The following FLCN variants were observed in gnomAD, a reference collection of about 807,000 sequenced individuals.
The protein encoded by FLCN is BHD skin lesion fibrofolliculoma protein.
In FLCN, 22 loss-of-function variants were observed where a neutral mutation model predicts 62.5. The observed-to-expected ratio is 0.35, with a 90% confidence interval of 0.25 to 0.50. FLCN has a LOEUF of 0.50. Ranked by LOEUF, FLCN falls within the 20% of genes least tolerant of loss-of-function variation. The pLI, the probability that FLCN is intolerant of heterozygous loss-of-function variation, is 0.97. For synonymous variants in FLCN, 319 were observed against 310.0 expected, an observed-to-expected ratio of 1.03 and a Z score of -0.30; for missense variants, 657 against 778.0, an observed-to-expected ratio of 0.84 and a Z score of 1.85.
intron 13 of FLCN, 38 bp downstream of exon 13, chr17:17,214,947 G>C (rs1280113163): frequency 2.5e-6 from 4 of 1,599,592 alleles, no homozygotes; most frequent in Non-Finnish European, 3.4e-6. Context: ...TTTCTCCAGG[G>C]TCGCAAGCAA....
Position 17,216,649 on chromosome 17 carries a change from C to T in FLCN, c.1177-146G>A. 1 of 1,335,886 alleles carries T rather than the reference C, an allele frequency of 7.5e-7. No individual in the cohort carries two copies. Among genetic ancestry groups the T allele is most frequent in the Non-Finnish European group, 1.0e-6 (1 of 973,042 alleles). 82.8% of individuals were successfully genotyped at this position (1,335,886 alleles called of 1,614,324 possible). On this transcript the variant is annotated intron_variant, in intron 10 of 13. Transcript: ENST00000285071. The surrounding 1 kb of genome is among the most constrained non-coding windows in gnomAD (Gnocchi z 4.0). The stretch of plus-strand genomic sequence containing the variant: ...CAGAGGAGTCCCCAGACTCTCAGCC[C>T]ACAGTGGGGGTGAGGGGGGAGGGTC...
chr17:17,213,477 T>A lies in FLCN; in HGVS notation c.*178A>T. On this transcript the variant is annotated 3_prime_UTR_variant, in exon 14 of 14. Transcript: ENST00000285071. ...GCGATTCCAACGGCTGGAGGGAGAG[T>A]CTGGGAAGCACACAGGCCCCAAACC... The A allele has an allele frequency of 1.3e-6, 1 of 751,630 alleles. No individual in the cohort carries two copies. Among genetic ancestry groups the A allele is most frequent in the East Asian group, 2.7e-5 (1 of 37,086 alleles). The allele number at this position is 751,630 out of a possible 1,614,324, so 46.6% of individuals were successfully genotyped here.
rs73284553 is a variant in FLCN at position 17,222,260 on chromosome 17, C to G, written c.779+241G>C. ...GCTGGGGCAGGAGAATCACTTGAAC[C>G]CAGGAAGAAGTGAGTTCCACATCAA... On this transcript the variant is annotated intron_variant, in intron 7 of 13. Coordinates refer to ENST00000285071, the MANE Select transcript of FLCN (RefSeq NM_144997.7). Among the ~76,000 whole-genome samples the G allele has an allele frequency of 0.041, 6,175 of 152,154 alleles. 437 individuals are homozygous for G. The highest frequency in any genetic ancestry group is 0.14 in the African/African-American group (5,866 of 41,468).
chr17:17,215,583 C>A (rs891290626), intron 11 of FLCN, among the ~76,000 whole-genome samples: 2 of 152,228 alleles, frequency 1.3e-5, no homozygotes, highest in African/African-American at 4.8e-5. Flanking sequence ...TTACCTCTGG[C>A]TAAGCAGCCC....
intron 13 of FLCN, 149 bp from the exon 14 acceptor site, chr17:17,214,005 G>T: frequency 1.2e-6 from 1 of 868,820 alleles, no homozygotes; most frequent in Non-Finnish European, 1.9e-6. Context: ...AGCAGGCTTG[G>T]CCCCTGAACT....
chr17:17,218,063 A>G (rs552668071), intron 9 of FLCN, among the ~76,000 whole-genome samples: 1 of 152,330 alleles, frequency 6.6e-6, no homozygotes, highest in African/African-American at 2.4e-5. Context: ...GTCTCACTCC[A>G]TTTTCAAAAA....
chr17:17,223,830 C>A (rs746872637), intron 6 of FLCN, 92 bp downstream of exon 6: 4 of 1,302,658 alleles, frequency 3.1e-6, no homozygotes, highest in Non-Finnish European at 4.4e-6. Flanking sequence ...GAGGGGAAGA[C>A]GCCACGCGGT....
At chr17:17,228,201 T>C (rs764888176) in intron 3 of FLCN, 40 bp from the exon 4 acceptor site, 394 of 1,587,050 alleles carry the variant, frequency 2.5e-4, no homozygotes, top group Non-Finnish European at 3.1e-4. Flanking sequence ...CCAATGCCTA[T>C]TGACTCCATG....
At position 17,214,868 on chromosome 17, in the gene FLCN, C is replaced by T. The variant is rs2046861834; in HGVS notation, c.1538+117G>A. Reference sequence around the variant, plus strand: ...CGGACGTGGAGTTGGAACCCCGCCCCCAACCTCTTCTCTCGGCTCCTCCCT... The same window carrying T: ...CGGACGTGGAGTTGGAACCCCGCCCTCAACCTCTTCTCTCGGCTCCTCCCT... On this transcript the variant is annotated intron_variant, in intron 13 of 13. Transcript: ENST00000285071. 6 of 1,132,444 alleles carry T rather than the reference C, an allele frequency of 5.3e-6. No homozygotes were observed. The Admixed American group carries it at 9.2e-5, about 17-fold the overall frequency. 70.1% of individuals were successfully genotyped at this position (1,132,444 alleles called of 1,614,324 possible). A position where few individuals can be genotyped will look rare whatever the true frequency, so the allele number is the denominator to read the frequency against.
chr17:17,221,509 G>A (rs2047086880), intron 8 of FLCN, 28 bp downstream of exon 8: 2 of 1,613,728 alleles, frequency 1.2e-6, no homozygotes, highest in Admixed American at 1.7e-5. Flanking sequence ...TCCGGGCCAA[G>A]GCCCCGGCAA....
At chr17:17,224,842 G>A (rs1736217) in intron 5 of FLCN, 111,879 of 155,442 alleles carry the variant, frequency 0.72, 40,449 homozygotes, top group East Asian at 0.85. Context: ...CCAGCCCCAC[G>A]TACTTTATTC....
chr17:17,213,414 AG>A lies in FLCN; in HGVS notation c.*240del. ...CTCTCCAAGGAGTTTGAACACAGAG[AG>A]AGCCCATCATCCCTCCGCCTTTCAT... On this transcript the variant is annotated 3_prime_UTR_variant, in exon 14 of 14. Transcript: ENST00000285071. 1.7e-6 allele frequency: 1 copy of A among 603,766 alleles called. No individual in the cohort carries two copies. Among genetic ancestry groups the A allele is most frequent in the Non-Finnish European group, 3.0e-6 (1 of 337,482 alleles). The allele number at this position is 603,766 out of a possible 1,614,324, so 37.4% of individuals were successfully genotyped here. A position where few individuals can be genotyped will look rare whatever the true frequency, so the allele number is the denominator to read the frequency against.
intron 5 of FLCN, chr17:17,225,881 A>G (rs961828138): frequency 4.1e-6 from 2 of 483,222 alleles, no homozygotes; most frequent in Admixed American, 3.1e-5. Flanking sequence ...ACCCTGACAC[A>G]AAAGAAGGAA....
chr17:17,226,722 C>A (rs539776993), intron 4 of FLCN, among the ~76,000 whole-genome samples: 15 of 152,170 alleles, frequency 9.9e-5, no homozygotes, highest in Non-Finnish European at 1.9e-4. Flanking sequence ...GTAACACTAC[C>A]CACTGCCCCC....
intron 5 of FLCN, 183 bp downstream of exon 5, chr17:17,225,993 T>A (rs1245880830): frequency 1.2e-6 from 1 of 817,722 alleles, no homozygotes; most frequent in South Asian, 1.5e-5. Context: ...AAGTCCAACA[T>A]GACTCCTCCC....
rs950112970 is a variant in FLCN at position 17,230,001 on chromosome 17, C to G, written c.-25+1793G>C. Among the ~76,000 whole-genome samples, 5 of 152,256 alleles carry G rather than the reference C, an allele frequency of 3.3e-5. No homozygotes were observed. The South Asian group carries it at 1.0e-3, about 32-fold the overall frequency. On this transcript the variant is annotated intron_variant, in intron 3 of 13. Coordinates refer to ENST00000285071, the MANE Select transcript of FLCN (RefSeq NM_144997.7). ...AGCATGAGGCAGTATGCCTTCCTAA[C>G]GAATGCAGGAAAGCCAGAGAAGGCT... is the stretch of plus-strand genomic sequence containing the variant.
In FLCN at chr17:17,216,784, T is replaced by C. The variant is rs1424485971; in HGVS notation, c.1177-281A>G. Reference sequence around the variant, plus strand: ...TATTAATGTTTGCCTGCACAGATGTTTGTCTCCTACCGCATCCCACAAAGA... The same window carrying C: ...TATTAATGTTTGCCTGCACAGATGTCTGTCTCCTACCGCATCCCACAAAGA... On this transcript the variant is annotated intron_variant, in intron 10 of 13. Transcript: ENST00000285071. This position sits in a 1 kb window ranked among gnomAD's most constrained non-coding sequence, Gnocchi z 4.0. Among the ~76,000 whole-genome samples the C allele has an allele frequency of 6.6e-6, 1 of 152,220 alleles. No individual in the cohort carries two copies. Among genetic ancestry groups the C allele is most frequent in the Non-Finnish European group, 1.5e-5 (1 of 68,034 alleles).
intron 5 of FLCN, 35 bp from the exon 6 acceptor site, chr17:17,224,178 C>T (rs1312953798): frequency 3.9e-6 from 6 of 1,536,634 alleles, no homozygotes; most frequent in Non-Finnish European, 5.3e-6. Flanking sequence ...CAGCCCTTTC[C>T]TCGCTTAGTG....
rs138476069 is a variant in FLCN at position 17,230,491 on chromosome 17, C to T, written c.-25+1303G>A. ...GTTGCAGTGAGCCGAGATCGCACCA[C>T]GGCACTCGAGCCTGGGCAACAAAGT... On this transcript the variant is annotated intron_variant, in intron 3 of 13. Transcript: ENST00000285071. Among the ~76,000 whole-genome samples the T allele has an allele frequency of 5.0e-3, 755 of 151,690 alleles. 5 individuals carry two copies. Among genetic ancestry groups the T allele is most frequent in the African/African-American group, 0.017 (692 of 41,336 alleles).
Sources: gnomAD v4.1 joint callset for allele counts (sites outside exome capture counted in the v4.1 genomes callset) on GRCh38, gnomAD v4.1.1 for gene constraint, Gnocchi (gnomAD v3.1) non-coding constraint, MANE v1.5 for transcripts, NCBI Gene and HGNC (gene_info 2026-07-23, HGNC 2026-07-21) for gene names.